Variants in SNX29 observed in about 807,000 individuals in gnomAD.
SNX29 encodes the protein sorting nexin-29.
SNX29 carries 78 observed loss-of-function variants against 102.1 expected under a neutral mutation model. The ratio of observed to expected loss-of-function variants is 0.76; its 90% CI spans 0.64 to 0.92. The LOEUF (loss-of-function observed/expected upper bound fraction) is 0.92. Ranked by LOEUF, SNX29 falls within the 40% of genes least tolerant of loss-of-function variation. The pLI, the probability that SNX29 is intolerant of heterozygous loss-of-function variation, is 0.00. For missense variants in SNX29, 1,280 were observed against 1,061.7 expected, an observed-to-expected ratio of 1.21 and a Z score of -2.86; for synonymous variants, 580 against 414.5, an observed-to-expected ratio of 1.40 and a Z score of -4.85.
intron 13 of SNX29, among the ~76,000 whole-genome samples, chr16:12,196,625 T>TA (rs1203728357): frequency 1.4e-5 from 2 of 146,702 alleles, no homozygotes; most frequent in Non-Finnish European, 3.0e-5. Flanking sequence ...CTTTTTTCTT[T>TA]TTTTTTTTTT....
At chr16:12,222,779 G>A (rs545859636) in intron 14 of SNX29, among the ~76,000 whole-genome samples, 4 of 152,136 alleles carry the variant, frequency 2.6e-5, no homozygotes, top group Admixed American at 2.0e-4. Flanking sequence ...ATGTTGGCCA[G>A]TCTGTTCTCA....
intron 15 of SNX29, among the ~76,000 whole-genome samples, chr16:12,297,595 A>G (rs56266617): frequency 1.3e-5 from 2 of 151,994 alleles, no homozygotes; most frequent in Non-Finnish European, 2.9e-5. Flanking sequence ...TATAAAGATC[A>G]CAGAGTTAAA....
intron 16 of SNX29, among the ~76,000 whole-genome samples, chr16:12,390,247 C>T (rs1198309566): frequency 6.6e-6 from 1 of 151,964 alleles, no homozygotes; most frequent in South Asian, 2.1e-4. Context: ...CATCTCTGCT[C>T]TGCAGCCAGA....
In SNX29 at chr16:12,569,650, G is replaced by A. The variant is rs895499822; in HGVS notation, c.*1021G>A. On this transcript the variant is annotated 3_prime_UTR_variant, in exon 21 of 21. Coordinates refer to ENST00000566228, the MANE Select transcript of SNX29 (RefSeq NM_032167.5). ...TGCATCCCCTAAGACAGAGTCCTCTGTTCCTCCCATGTCAGGTGGCTCTCA... is the reference window on the plus strand; with the variant it reads ...TGCATCCCCTAAGACAGAGTCCTCTATTCCTCCCATGTCAGGTGGCTCTCA... 16 of 229,154 alleles carry A rather than the reference G, an allele frequency of 7.0e-5. No individual in the cohort carries two copies. The highest frequency in any genetic ancestry group is 6.7e-5 in the African/African-American group (3 of 45,030). 14.2% of individuals were successfully genotyped at this position (229,154 alleles called of 1,614,324 possible). A position where few individuals can be genotyped will look rare whatever the true frequency, so the allele number is the denominator to read the frequency against.
At chr16:12,269,303 G>T (rs2079023637) in intron 14 of SNX29, among the ~76,000 whole-genome samples, 1 of 152,126 alleles carries the variant, frequency 6.6e-6, no homozygotes, top group Non-Finnish European at 1.5e-5. Flanking sequence ...TGGCTCAATG[G>T]GAAATCCCAG....
chr16:12,310,684 A>G (rs868391430), intron 15 of SNX29, among the ~76,000 whole-genome samples: 10 of 152,214 alleles, frequency 6.6e-5, no homozygotes, highest in South Asian at 2.1e-4. Context: ...GGGGTGGTGG[A>G]CATGTTCTGT....
chr16:12,005,318 A>G (rs1042290107), intron 3 of SNX29, among the ~76,000 whole-genome samples: 1 of 152,180 alleles, frequency 6.6e-6, no homozygotes, highest in African/African-American at 2.4e-5. Context: ...TTATTGATTA[A>G]TGATCCTGTG....
At chr16:12,314,354 A>G (rs2080662709) in intron 15 of SNX29, among the ~76,000 whole-genome samples, 2 of 152,246 alleles carry the variant, frequency 1.3e-5, no homozygotes, top group African/African-American at 2.4e-5. Context: ...ACATATGCAC[A>G]TAGTTTATAC....
chr16:12,476,419 T>TATATATATATATAC (rs1567603407), intron 18 of SNX29, among the ~76,000 whole-genome samples: 4 of 41,196 alleles, frequency 9.7e-5, no homozygotes, highest in African/African-American at 1.8e-4. Context: ...TATACATATA[T>TATATATATATATAC]ATATATATAT....
At chr16:12,469,955 G>A (rs960467650) in intron 18 of SNX29, among the ~76,000 whole-genome samples, 1 of 152,196 alleles carries the variant, frequency 6.6e-6, no homozygotes, top group African/African-American at 2.4e-5. Context: ...GGAGGTTGCA[G>A]TGAGCTGAGA....
At chr16:12,135,861 A>G (rs908926260) in intron 13 of SNX29, 5 of 331,656 alleles carry the variant, frequency 1.5e-5, no homozygotes, top group Admixed American at 9.3e-5. Context: ...TGTCATCTCA[A>G]CAATCAACCT....
At chr16:12,436,719 C>T (rs1039009708) in intron 18 of SNX29, among the ~76,000 whole-genome samples, 3 of 152,218 alleles carry the variant, frequency 2.0e-5, no homozygotes, top group Non-Finnish European at 4.4e-5. Flanking sequence ...GGCTGGAGTA[C>T]AGTGGCTCAC....
At chr16:12,281,864 A>T (rs962083602) in intron 15 of SNX29, among the ~76,000 whole-genome samples, 1 of 152,054 alleles carries the variant, frequency 6.6e-6, no homozygotes, top group Non-Finnish European at 1.5e-5. Flanking sequence ...TCAGACTAGG[A>T]GTTCGAGAGT....
chr16:11,987,200 G>A lies in SNX29; in HGVS notation c.7+10387G>A, dbSNP rs141666384. Among the ~76,000 whole-genome samples the A allele has an allele frequency of 2.1e-3, 318 of 151,942 alleles. 3 individuals carry two copies. The highest frequency in any genetic ancestry group is 7.5e-3 in the African/African-American group (311 of 41,446). ...CCTCCTCAGCTCCCCAGGAGGCTGG[G>A]ACTACAGGTGTGTGCCACCATACCT... On this transcript the variant is annotated intron_variant, in intron 1 of 20. Transcript: ENST00000566228.
intron 14 of SNX29, among the ~76,000 whole-genome samples, chr16:12,213,808 A>G (rs180916039): frequency 4.6e-5 from 7 of 152,304 alleles, no homozygotes; most frequent in Admixed American, 1.3e-4. Flanking sequence ...GTACCCAGCT[A>G]TGTGGCCACC....
intron 16 of SNX29, among the ~76,000 whole-genome samples, chr16:12,358,576 G>A (rs1347818404): frequency 1.3e-5 from 2 of 152,176 alleles, no homozygotes; most frequent in East Asian, 3.9e-4. Flanking sequence ...ATCTTCCCCT[G>A]CTATCCATAA....
At chr16:12,069,015 T>G in intron 9 of SNX29, 42 bp from the exon 10 acceptor site, 5 of 1,580,944 alleles carry the variant, frequency 3.2e-6, no homozygotes, top group Non-Finnish European at 4.3e-6. Context: ...GAACATGTAG[T>G]GAGAAAAGTG....
Position 12,347,376 on chromosome 16 carries a change from G to A in SNX29, c.1783-8787G>A, listed in dbSNP as rs146914616. Among the ~76,000 whole-genome samples, 798 of 152,106 alleles carry A rather than the reference G, an allele frequency of 5.2e-3. 2 individuals carry two copies. Among genetic ancestry groups the A allele is most frequent in the Non-Finnish European group, 8.8e-3 (600 of 68,000 alleles). On this transcript the variant is annotated intron_variant, in intron 15 of 20. Transcript: ENST00000566228. ...CCTGAATAACTTCCTGGGGCCAGCC[G>A]TCCCCACAGCAGAACCAAAGCAAAA...
intron 13 of SNX29, among the ~76,000 whole-genome samples, chr16:12,171,242 G>C (rs1033430123): frequency 6.6e-6 from 1 of 152,198 alleles, no homozygotes; most frequent in East Asian, 1.9e-4. Context: ...CTATCTTCAC[G>C]TGATGACTAA....
Sources: gnomAD v4.1 joint callset for allele counts (sites outside exome capture counted in the v4.1 genomes callset) on GRCh38, gnomAD v4.1.1 for gene constraint, MANE v1.5 for transcripts, NCBI Gene and HGNC (gene_info 2026-07-23, HGNC 2026-07-21) for gene names.